Variants in UROS observed in about 807,000 individuals in gnomAD.
The protein encoded by UROS is uroporphyrinogen-III synthase.
A neutral mutation model predicts 33.0 loss-of-function variants in UROS; 18 were observed. The ratio of observed to expected loss-of-function variants is 0.55; its 90% CI spans 0.38 to 0.81. The LOEUF (loss-of-function observed/expected upper bound fraction) is 0.81. Among genes scored for constraint, UROS ranks in the 30% least tolerant of loss-of-function variants. The pLI, the probability that UROS is intolerant of heterozygous loss-of-function variation, is 0.00. For synonymous variants in UROS, 114 were observed against 121.1 expected, an observed-to-expected ratio of 0.94 and a Z score of 0.38; for missense variants, 293 against 314.9, an observed-to-expected ratio of 0.93 and a Z score of 0.53.
chr10:125,822,383 C>T (rs1854025267), intron 1 of UROS, among the ~76,000 whole-genome samples: 1 of 148,408 alleles, frequency 6.7e-6, no homozygotes, highest in Non-Finnish European at 1.5e-5. Flanking sequence ...AGTGCGGTGG[C>T]GCGATCTCGG....
chr10:125,786,119 C>A (rs1268901746), downstream of UROS, among the ~76,000 whole-genome samples: 1 of 152,128 alleles, frequency 6.6e-6, no homozygotes, highest in Non-Finnish European at 1.5e-5. Flanking sequence ...CCCGGCTTCC[C>A]ACATTGACTC....
At chr10:125,790,061 C>A (rs1356876342) in intron 9 of UROS, among the ~76,000 whole-genome samples, 1 of 152,224 alleles carries the variant, frequency 6.6e-6, no homozygotes, top group Non-Finnish European at 1.5e-5. Context: ...GTGGAGGTAA[C>A]AAGCCACCTG....
chr10:125,802,067 CCATTTA>C, intron 6 of UROS: 2 of 985,468 alleles, frequency 2.0e-6, no homozygotes, highest in Non-Finnish European at 2.4e-6. Context: ...TCAAGATCTA[CCATTTA>C]CATTTATTTC....
At chr10:125,818,533 CTGT>C (rs1853565407) in intron 1 of UROS, among the ~76,000 whole-genome samples, 1 of 151,676 alleles carries the variant, frequency 6.6e-6, no homozygotes, top group Non-Finnish European at 1.5e-5. Flanking sequence ...TTAAAAGGTT[CTGT>C]TGTTGATGAT....
chr10:125,812,692 G>A (rs1382684856), intron 4 of UROS, among the ~76,000 whole-genome samples: 1 of 152,066 alleles, frequency 6.6e-6, no homozygotes, highest in Non-Finnish European at 1.5e-5. Context: ...AAATCCAATT[G>A]GTTTATTTGG....
rs147282594 is a variant in UROS, at chr10:125,813,201, A to C, written c.245-913T>G. On this transcript the variant is annotated intron_variant, in intron 4 of 9. Coordinates refer to ENST00000368797, the MANE Select transcript of UROS (RefSeq NM_000375.3). ...ACTGGGTGGAGTCAGAAAGCCTTCC[A>C]CAGAGCCAGCTCTGCCCCTTAACGT... Among the ~76,000 whole-genome samples the C allele has an allele frequency of 2.0e-5, 3 of 152,336 alleles. No individual in the cohort carries two copies. In the East Asian group the frequency reaches 5.8e-4, roughly 29 times the overall value.
At chr10:125,790,799 T>C (rs1460882134) in intron 9 of UROS, among the ~76,000 whole-genome samples, 2 of 101,798 alleles carry the variant, frequency 2.0e-5, no homozygotes, top group East Asian at 2.6e-4. Context: ...AAAAAAAAAA[T>C]GTATTCAGAG....
chr10:125,815,377 G>A (rs763689349), intron 3 of UROS, among the ~76,000 whole-genome samples: 1 of 152,138 alleles, frequency 6.6e-6, no homozygotes, highest in Non-Finnish European at 1.5e-5. Context: ...GTCTAGGGCA[G>A]AGACAGTGAA....
At chr10:125,787,635 C>T (rs763134435), downstream of UROS, among the ~76,000 whole-genome samples, 2 of 152,154 alleles carry the variant, frequency 1.3e-5, no homozygotes, top group Non-Finnish European at 2.9e-5. Context: ...TTCTTAGTTC[C>T]TGGGCAAATC....
downstream of UROS, among the ~76,000 whole-genome samples, chr10:125,787,045 G>A (rs1430401124): frequency 6.6e-6 from 1 of 152,228 alleles, no homozygotes; most frequent in Non-Finnish European, 1.5e-5. Flanking sequence ...ATCCCAAACA[G>A]AACCATCTTT....
chr10:125,808,513 A>G (rs1264574006), intron 5 of UROS, among the ~76,000 whole-genome samples: 2 of 152,250 alleles, frequency 1.3e-5, no homozygotes. Context: ...AAACAAAAAA[A>G]CCTGTAAAAA....
chr10:125,807,010 T>A (rs1390970639), intron 6 of UROS: 1 of 235,720 alleles, frequency 4.2e-6, no homozygotes, highest in Non-Finnish European at 8.4e-6. Flanking sequence ...GTTCTTTACC[T>A]GGGAGCAAGC....
At chr10:125,790,432 A>G (rs183047205) in intron 9 of UROS, among the ~76,000 whole-genome samples, 2 of 152,356 alleles carry the variant, frequency 1.3e-5, no homozygotes, top group Admixed American at 6.5e-5. Flanking sequence ...GAAAAAAACA[A>G]TAAATTGAAC....
intron 1 of UROS, among the ~76,000 whole-genome samples, chr10:125,820,101 A>T (rs1853740804): frequency 6.6e-6 from 1 of 152,200 alleles, no homozygotes; most frequent in Admixed American, 6.5e-5. Context: ...TTTACTGAGC[A>T]TTTACTCATG....
downstream of UROS, among the ~76,000 whole-genome samples, chr10:125,786,034 TG>T (rs914656098): frequency 6.6e-6 from 1 of 151,774 alleles, no homozygotes; most frequent in Non-Finnish European, 1.5e-5. Context: ...GCTGGCAGGG[TG>T]GGGGGTGCGA....
At chr10:125,822,129 C>A (rs1203313316) in intron 1 of UROS, among the ~76,000 whole-genome samples, 1 of 152,108 alleles carries the variant, frequency 6.6e-6, no homozygotes, top group Non-Finnish European at 1.5e-5. Context: ...CAATTGAGAA[C>A]CGCAGATCTT....
chr10:125,815,490 A>G (rs974759562), intron 3 of UROS, among the ~76,000 whole-genome samples: 1 of 152,192 alleles, frequency 6.6e-6, no homozygotes, highest in Non-Finnish European at 1.5e-5. Context: ...CGAATCTGTA[A>G]TAAAAATGGG....
chr10:125,808,477 G>C (rs917642670), intron 5 of UROS, among the ~76,000 whole-genome samples: 15 of 152,170 alleles, frequency 9.9e-5, no homozygotes, highest in Non-Finnish European at 1.8e-4. Flanking sequence ...GAGCTTAGAA[G>C]AGCTAAACGC....
rs1312441868 is a variant in UROS, at chr10:125,794,353, C to T, written c.660+527G>A. 5 of 997,428 alleles carry T rather than the reference C, an allele frequency of 5.0e-6. No homozygotes were observed. The Admixed American group carries it at 2.8e-4, about 56-fold the overall frequency. The allele number at this position is 997,428 out of a possible 1,614,324, so 61.8% of individuals were successfully genotyped here. On this transcript the variant is annotated intron_variant, in intron 9 of 9. Coordinates refer to ENST00000368797, the MANE Select transcript of UROS (RefSeq NM_000375.3). The stretch of plus-strand genomic sequence containing the variant: ...GGCTCTGGGTCACATCCTGCACCCT[C>T]TCCTCAGTCCCTCTGGAGCCAGTTC...
Sources: allele counts gnomAD v4.1 joint callset (sites outside exome capture counted in the v4.1 genomes callset), GRCh38; gene constraint gnomAD v4.1.1; transcripts MANE v1.5; gene names NCBI Gene and HGNC (gene_info 2026-07-23, HGNC 2026-07-21).